Variants in ASIC2 observed in about 807,000 individuals in gnomAD.
The protein encoded by ASIC2 is acid sensing ion channel subunit 2.
ASIC2 carries 25 observed loss-of-function variants against 57.3 expected under a neutral mutation model. The ratio of observed to expected loss-of-function variants is 0.44; its 90% CI spans 0.32 to 0.61. ASIC2 has a LOEUF of 0.61. ASIC2 is among the 20% of genes least tolerant of loss of function. The pLI is 0.06. For missense variants in ASIC2, 641 were observed against 738.1 expected, an observed-to-expected ratio of 0.87 and a Z score of 1.52; for synonymous variants, 319 against 307.5, an observed-to-expected ratio of 1.04 and a Z score of -0.39.
intron 1 of ASIC2, among the ~76,000 whole-genome samples, chr17:33,721,936 A>G (rs957513253): frequency 6.6e-6 from 1 of 152,240 alleles, no homozygotes; most frequent in Admixed American, 6.5e-5. Flanking sequence ...ATCAAAAGAC[A>G]TGGCTGAGAA....
chr17:33,673,917 C>A (rs561750674), intron 1 of ASIC2, among the ~76,000 whole-genome samples: 2 of 136,192 alleles, frequency 1.5e-5, no homozygotes, highest in African/African-American at 6.6e-5. Context: ...TTTTTGGAGA[C>A]GGAGTCTCAC....
At chr17:34,116,856 G>A (rs1911437084) in intron 1 of ASIC2, among the ~76,000 whole-genome samples, 1 of 152,042 alleles carries the variant, frequency 6.6e-6, no homozygotes, top group African/African-American at 2.4e-5. Flanking sequence ...AGTGTGTGTG[G>A]GGGGAGGAGG....
At chr17:33,821,516 T>C (rs774091002) in intron 1 of ASIC2, among the ~76,000 whole-genome samples, 1 of 152,144 alleles carries the variant, frequency 6.6e-6, no homozygotes, top group Non-Finnish European at 1.5e-5. Context: ...CCCTAGCACA[T>C]GCCGACTCCT....
At chr17:33,958,590 G>T (rs1401713502) in intron 1 of ASIC2, among the ~76,000 whole-genome samples, 7 of 152,154 alleles carry the variant, frequency 4.6e-5, no homozygotes, top group African/African-American at 1.7e-4. Context: ...TGGAGCTGAA[G>T]CAGCTGGTAT....
At chr17:33,314,367 G>A (rs1906555494) in intron 1 of ASIC2, among the ~76,000 whole-genome samples, 1 of 152,132 alleles carries the variant, frequency 6.6e-6, no homozygotes, top group Non-Finnish European at 1.5e-5. Flanking sequence ...GCTTTCTCAG[G>A]ACACAATTCC....
chr17:33,076,682 A>G (rs982445962), intron 3 of ASIC2, among the ~76,000 whole-genome samples: 1 of 152,132 alleles, frequency 6.6e-6, no homozygotes, highest in African/African-American at 2.4e-5. Context: ...CCTTGTATGT[A>G]TTGTTCCGCA....
intron 1 of ASIC2, among the ~76,000 whole-genome samples, chr17:33,382,042 G>A (rs894827992): frequency 1.3e-5 from 2 of 152,254 alleles, no homozygotes; most frequent in South Asian, 2.1e-4. Context: ...TTAGTCCCAC[G>A]TTGGATCTCC....
chr17:33,855,109 T>C (rs1288426704), intron 1 of ASIC2, among the ~76,000 whole-genome samples: 2 of 152,074 alleles, frequency 1.3e-5, no homozygotes, highest in Non-Finnish European at 2.9e-5. Context: ...AGGTTACCAA[T>C]TGTGCAGGCC....
chr17:33,938,070 G>A (rs1916107263), intron 1 of ASIC2, among the ~76,000 whole-genome samples: 1 of 152,204 alleles, frequency 6.6e-6, no homozygotes, highest in Non-Finnish European at 1.5e-5. Flanking sequence ...GGTTTGAATA[G>A]AGCCCCAGGG....
chr17:33,591,856 T>G (rs772116918), intron 1 of ASIC2, among the ~76,000 whole-genome samples: 25 of 152,122 alleles, frequency 1.6e-4, no homozygotes, highest in Non-Finnish European at 2.6e-4. Flanking sequence ...AGCTTTTGTT[T>G]TAGTTTGCTT....
intron 1 of ASIC2, among the ~76,000 whole-genome samples, chr17:33,463,981 C>T (rs945532650): frequency 6.6e-6 from 1 of 152,082 alleles, no homozygotes; most frequent in Non-Finnish European, 1.5e-5. Context: ...GTTGCATACC[C>T]TTATGAGTGG....
chr17:33,211,164 C>G (rs528957593), intron 1 of ASIC2, among the ~76,000 whole-genome samples: 2 of 152,154 alleles, frequency 1.3e-5, no homozygotes, highest in African/African-American at 4.8e-5. Context: ...TGTGTGACAG[C>G]GCAGAAGTGT....
chr17:33,913,795 T>C (rs1224225977), intron 1 of ASIC2, among the ~76,000 whole-genome samples: 4 of 152,196 alleles, frequency 2.6e-5, no homozygotes, highest in South Asian at 2.1e-4. Flanking sequence ...ACCATCACTG[T>C]CATGTTGTAA....
Position 33,651,595 on chromosome 17 carries a change from C to T in ASIC2, c.555+504383G>A, listed in dbSNP as rs540629772. Among the ~76,000 whole-genome samples, 30 of 152,340 alleles carry T rather than the reference C, an allele frequency of 2.0e-4. No homozygotes were observed. The South Asian group carries it at 3.7e-3, about 19-fold the overall frequency. On this transcript the variant is annotated intron_variant, in intron 1 of 9. Coordinates refer to the ASIC2 transcript ENST00000359872. Reference sequence around the variant, plus strand: ...CCTCAGAGAGCTTACTTATGCCACTCATTTCAGATGGAGAGCAAGGGTTTG... The same window carrying T: ...CCTCAGAGAGCTTACTTATGCCACTTATTTCAGATGGAGAGCAAGGGTTTG...
At chr17:33,297,851 T>TAAAA (rs1905781325), upstream of ASIC2, among the ~76,000 whole-genome samples, 1 of 149,272 alleles carries the variant, frequency 6.7e-6, no homozygotes, top group Middle Eastern at 3.2e-3. Context: ...AATAAATAAA[T>TAAAA]AAATAAATAA....
chr17:33,406,844 T>C (rs190360959), intron 1 of ASIC2, among the ~76,000 whole-genome samples: 3 of 152,328 alleles, frequency 2.0e-5, no homozygotes, highest in African/African-American at 4.8e-5. Context: ...ATCAAAGGAC[T>C]GTTCAGGAAA....
chr17:33,364,917 C>T (rs1567836839), intron 1 of ASIC2, among the ~76,000 whole-genome samples: 1 of 152,178 alleles, frequency 6.6e-6, no homozygotes, highest in African/African-American at 2.4e-5. Context: ...TCCAACTCCG[C>T]AGTCAAGTAT....
At chr17:33,312,314 C>A (rs996700681) in intron 1 of ASIC2, among the ~76,000 whole-genome samples, 1 of 152,154 alleles carries the variant, frequency 6.6e-6, no homozygotes, top group African/African-American at 2.4e-5. Context: ...AGTGGGGTGA[C>A]ACAGGAAGTA....
chr17:34,104,233 T>A (rs977502494), intron 1 of ASIC2, among the ~76,000 whole-genome samples: 3 of 152,150 alleles, frequency 2.0e-5, no homozygotes, highest in Admixed American at 6.5e-5. Context: ...ATTTTAATTT[T>A]ATTTTCTATT....
Sources: gnomAD v4.1 joint callset for allele counts (sites outside exome capture counted in the v4.1 genomes callset) on GRCh38, gnomAD v4.1.1 for gene constraint, MANE v1.5 for transcripts, NCBI Gene and HGNC (gene_info 2026-07-23, HGNC 2026-07-21) for gene names.